The following IL1R1 variants were observed in gnomAD, a reference collection of about 807,000 sequenced individuals.
IL1R1 encodes the protein interleukin-1 receptor type 1.
IL1R1 carries 22 observed loss-of-function variants against 50.2 expected under a neutral mutation model. The ratio of observed to expected loss-of-function variants is 0.44; its 90% CI spans 0.31 to 0.63. The LOEUF (loss-of-function observed/expected upper bound fraction) is 0.63. IL1R1 is among the 20% of genes least tolerant of loss of function. The pLI, the probability that IL1R1 is intolerant of heterozygous loss-of-function variation, is 0.07. For missense variants in IL1R1, 509 were observed against 676.2 expected, an observed-to-expected ratio of 0.75 and a Z score of 2.74; for synonymous variants, 251 against 236.7, an observed-to-expected ratio of 1.06 and a Z score of -0.55.
chr2:102,132,047 A>C (rs1024156194), intron 1 of IL1R1, among the ~76,000 whole-genome samples: 5 of 152,128 alleles, frequency 3.3e-5, no homozygotes, highest in Admixed American at 1.3e-4. Flanking sequence ...GATCTCTAAC[A>C]TACTAAAGGA....
At chr2:102,154,246 T>C (rs1465562391) in intron 2 of IL1R1, among the ~76,000 whole-genome samples, 2 of 152,204 alleles carry the variant, frequency 1.3e-5, no homozygotes, top group Non-Finnish European at 2.9e-5. Flanking sequence ...CCAGGTCACC[T>C]TGACTGTGCT....
chr2:102,090,621 T>C (rs993507582), intron 1 of IL1R1, among the ~76,000 whole-genome samples: 2 of 152,228 alleles, frequency 1.3e-5, no homozygotes, highest in African/African-American at 4.8e-5. Context: ...TCAGCTATTA[T>C]ATTTTTCAGT....
intron 1 of IL1R1, among the ~76,000 whole-genome samples, chr2:102,077,963 T>C (rs1446723009): frequency 2.0e-5 from 3 of 152,022 alleles, no homozygotes. Context: ...CAATATACTC[T>C]TAAATATCAA....
chr2:102,083,818 C>T (rs944883940), intron 1 of IL1R1, among the ~76,000 whole-genome samples: 5 of 151,952 alleles, frequency 3.3e-5, no homozygotes, highest in Admixed American at 3.3e-4. Flanking sequence ...GTGATGGGCG[C>T]CTGTAATCCC....
rs1403392857 is a variant in IL1R1 at position 102,154,037 on chromosome 2, C to T, written c.-7+20C>T. On this transcript the variant is annotated intron_variant, in intron 2 of 11. Coordinates refer to ENST00000410023, the MANE Select transcript of IL1R1 (RefSeq NM_000877.4). ...TCCAAGGTAACAGGGCTGAGTCACC[C>T]CAGGGTCCCAAGGCCGGCCTTTTCT... 6.6e-6 allele frequency: 1 copy of T among 152,306 alleles called. No individual in the cohort carries two copies. The highest frequency in any genetic ancestry group is 2.4e-5 in the African/African-American group (1 of 41,420). The allele number at this position is 152,306 out of a possible 1,614,324, so 9.4% of individuals were successfully genotyped here.
At chr2:102,099,955 A>G (rs1680069141), upstream of IL1R1, among the ~76,000 whole-genome samples, 2 of 152,206 alleles carry the variant, frequency 1.3e-5, no homozygotes, top group African/African-American at 4.8e-5. Context: ...TTCACAGTTC[A>G]TTTTAACTCC....
intron 1 of IL1R1, among the ~76,000 whole-genome samples, chr2:102,117,267 C>T (rs981546450): frequency 1.3e-5 from 2 of 152,136 alleles, no homozygotes; most frequent in Non-Finnish European, 2.9e-5. Context: ...AGGACTTGGT[C>T]TGTATTTGTC....
intron 1 of IL1R1, among the ~76,000 whole-genome samples, chr2:102,079,035 A>G (rs1679098909): frequency 2.0e-5 from 3 of 152,160 alleles, no homozygotes; most frequent in Admixed American, 2.0e-4. Context: ...ATAAAATCTG[A>G]CACCCTTTCA....
intron 1 of IL1R1, among the ~76,000 whole-genome samples, chr2:102,097,309 C>T (rs1026602653): frequency 1.3e-5 from 2 of 152,134 alleles, no homozygotes; most frequent in African/African-American, 4.8e-5. Flanking sequence ...CAACCATAAA[C>T]AAGGGAGGGT....
Position 102,166,154 on chromosome 2 carries a change from A to C in IL1R1, c.528A>C (p.Gly176=). ...PLLLDNIHFS[G]VKDRLIVMNV... is the part of the protein sequence containing the mutation. ...TTCTTGACAATATACACTTTAGTGG[A>C]GTCAAAGATAGGCTCATCGTGATGA... Residue 176 remains glycine (G), a synonymous_variant, in exon 6 of 12, where the codon GGA becomes GGC. Transcript: ENST00000410023. 1 of 1,613,914 alleles carries C rather than the reference A, an allele frequency of 6.2e-7. No individual in the cohort carries two copies. Among genetic ancestry groups the C allele is most frequent in the Non-Finnish European group, 8.5e-7 (1 of 1,179,850 alleles).
intron 1 of IL1R1, among the ~76,000 whole-genome samples, chr2:102,136,371 A>G (rs1489855929): frequency 9.4e-6 from 1 of 106,852 alleles, no homozygotes; most frequent in East Asian, 2.7e-4. Context: ...CATGGATAAC[A>G]GTATTTTTTT....
intron 1 of IL1R1, among the ~76,000 whole-genome samples, chr2:102,151,736 C>T (rs114301196): frequency 0.014 from 2,071 of 152,298 alleles, 25 homozygotes; most frequent in Non-Finnish European, 0.019. Flanking sequence ...TCTGCAAGGG[C>T]GCTGTGGGAA....
rs1224128228 is a variant in IL1R1, at chr2:102,176,355, AT to A, written c.1308del (p.Ile436MetfsTer9). On this transcript the variant is annotated frameshift_variant, in exon 12 of 12. Coordinates refer to ENST00000410023, the MANE Select transcript of IL1R1 (RefSeq NM_000877.4). LOFTEE classifies it low-confidence loss of function (END_TRUNC). ...ATATTGTGCTTCCTGTTTTTCAGAC[AT>A]TGTTGAGGTCATTAATGAAAACGTA... is the stretch of plus-strand genomic sequence containing the variant. ...YGRDDYVGED[I>X]VEVINENVKK... 6.2e-7 allele frequency: 1 copy of A among 1,611,548 alleles called. No homozygotes were observed.
At chr2:102,156,952 C>G (rs911503969) in intron 2 of IL1R1, among the ~76,000 whole-genome samples, 20 of 152,130 alleles carry the variant, frequency 1.3e-4, no homozygotes, top group Admixed American at 3.9e-4. Flanking sequence ...AGAATATAGG[C>G]AAATTTAATC....
intron 1 of IL1R1, among the ~76,000 whole-genome samples, chr2:102,110,010 T>C (rs1246561476): frequency 6.6e-6 from 1 of 152,252 alleles, no homozygotes; most frequent in African/African-American, 2.4e-5. Context: ...TGAAACTCTT[T>C]AAATTTTTTT....
intron 1 of IL1R1, among the ~76,000 whole-genome samples, chr2:102,087,280 G>A (rs56297718): frequency 0.26 from 39,872 of 152,048 alleles, 6,291 homozygotes; most frequent in Non-Finnish European, 0.34. Flanking sequence ...GCTGAAGGTT[G>A]GGGTAGCTGT....
chr2:102,076,837 C>T (rs1046250942), intron 1 of IL1R1, among the ~76,000 whole-genome samples: 5 of 151,958 alleles, frequency 3.3e-5, no homozygotes, highest in Admixed American at 6.5e-5. Context: ...TTTACAGTTA[C>T]TGTATTTGGG....
chr2:102,135,350 T>G (rs1160474622), intron 1 of IL1R1, among the ~76,000 whole-genome samples: 3 of 152,164 alleles, frequency 2.0e-5, no homozygotes, highest in Non-Finnish European at 2.9e-5. Context: ...CCTATGAATG[T>G]TTTGGGACAG....
intron 6 of IL1R1, among the ~76,000 whole-genome samples, chr2:102,168,076 A>G (rs924887434): frequency 6.6e-6 from 1 of 152,156 alleles, no homozygotes; most frequent in South Asian, 2.1e-4. Context: ...CCCTGAAACC[A>G]ATCTTTTCAT....
Sources: allele counts gnomAD v4.1 joint callset (sites outside exome capture counted in the v4.1 genomes callset), GRCh38; gene constraint gnomAD v4.1.1; transcripts MANE v1.5; gene names NCBI Gene and HGNC (gene_info 2026-07-23, HGNC 2026-07-21).